Variants in KCNB2 observed in about 807,000 individuals in gnomAD.
KCNB2 encodes the protein potassium voltage-gated channel subfamily B member 2, also known as delayed rectifier potassium channel protein.
Under a neutral mutation model 61.5 loss-of-function variants are expected in KCNB2, and 15 were observed. The observed-to-expected ratio is 0.24, with a 90% CI of 0.16 to 0.38. The LOEUF (loss-of-function observed/expected upper bound fraction) is 0.38, where lower values mean the gene tolerates loss of function less well. Ranked by LOEUF, KCNB2 falls within the 10% of genes least tolerant of loss-of-function variation. KCNB2 has a pLI of 1.00. For missense variants in KCNB2, 828 were observed against 1,125.2 expected, an observed-to-expected ratio of 0.74 and a Z score of 3.78; for synonymous variants, 457 against 446.0, an observed-to-expected ratio of 1.02 and a Z score of -0.31.
At chr8:72,828,005 G>T (rs1305904845) in intron 2 of KCNB2, among the ~76,000 whole-genome samples, 1 of 151,986 alleles carries the variant, frequency 6.6e-6, no homozygotes, top group East Asian at 1.9e-4. Context: ...TAGAGACGGG[G>T]TTTCACCATG....
At chr8:72,906,595 G>T (rs1165112144) in intron 2 of KCNB2, among the ~76,000 whole-genome samples, 1 of 152,126 alleles carries the variant, frequency 6.6e-6, no homozygotes, top group African/African-American at 2.4e-5. Flanking sequence ...GTAGAAGTTG[G>T]TTTGCAAATT....
intron 2 of KCNB2, among the ~76,000 whole-genome samples, chr8:72,705,262 G>A (rs2255053): frequency 0.25 from 38,485 of 152,106 alleles, 8,182 homozygotes; most frequent in African/African-American, 0.59. Context: ...TCCCTGGAAC[G>A]TTTTTCTTGA....
chr8:72,802,559 G>A (rs943366494), intron 2 of KCNB2, among the ~76,000 whole-genome samples: 4 of 152,092 alleles, frequency 2.6e-5, no homozygotes, highest in Admixed American at 6.5e-5. Context: ...TCATTTATGT[G>A]TTTGGCAATG....
intron 1 of KCNB2, among the ~76,000 whole-genome samples, chr8:72,542,132 T>C (rs1382763349): frequency 6.6e-6 from 1 of 152,164 alleles, no homozygotes; most frequent in East Asian, 1.9e-4. Flanking sequence ...GAAAAGTTTA[T>C]ATATTTGAAG....
At chr8:72,719,478 A>G (rs764372727) in intron 2 of KCNB2, among the ~76,000 whole-genome samples, 7 of 152,052 alleles carry the variant, frequency 4.6e-5, no homozygotes, top group Non-Finnish European at 1.0e-4. Context: ...TGTTGTGTTT[A>G]TTGCTAAATA....
At chr8:72,703,694 C>G (rs775800671) in intron 2 of KCNB2, among the ~76,000 whole-genome samples, 2 of 152,078 alleles carry the variant, frequency 1.3e-5, no homozygotes, top group Non-Finnish European at 2.9e-5. Flanking sequence ...GCCTTAGTGT[C>G]TACTATAAAG....
At chr8:72,582,785 A>G (rs911125659) in intron 2 of KCNB2, among the ~76,000 whole-genome samples, 1 of 152,000 alleles carries the variant, frequency 6.6e-6, no homozygotes, top group Non-Finnish European at 1.5e-5. Flanking sequence ...ACTAATTTTT[A>G]AAAAATTATT....
At chr8:72,764,332 G>A (rs1326278948) in intron 2 of KCNB2, among the ~76,000 whole-genome samples, 1 of 152,184 alleles carries the variant, frequency 6.6e-6, no homozygotes, top group Admixed American at 6.5e-5. Flanking sequence ...AGGTAAGGAG[G>A]TGGAGACAAC....
intron 2 of KCNB2, among the ~76,000 whole-genome samples, chr8:72,638,200 CTATGACCTTTGAAATGGGTCAGGACCTA>C (rs1437078814): frequency 1.3e-5 from 2 of 152,104 alleles, no homozygotes; most frequent in African/African-American, 4.8e-5. Context: ...ATTTAAGATC[CTATGACCTTTGAAATGGGTCAGGACCTA>C]TTCTTCTGTC....
chr8:72,692,645 C>T (rs1806956824), intron 2 of KCNB2, among the ~76,000 whole-genome samples: 2 of 152,080 alleles, frequency 1.3e-5, no homozygotes, highest in South Asian at 2.1e-4. Flanking sequence ...TTCCATCTCA[C>T]GTACATAATT....
At chr8:72,792,421 A>G (rs748901549) in intron 2 of KCNB2, among the ~76,000 whole-genome samples, 3 of 152,210 alleles carry the variant, frequency 2.0e-5, no homozygotes, top group Non-Finnish European at 4.4e-5. Context: ...AAAACTAACC[A>G]TCTTTATTAT....
chr8:72,743,668 C>T (rs2128994816), intron 2 of KCNB2, among the ~76,000 whole-genome samples: 1 of 152,194 alleles, frequency 6.6e-6, no homozygotes, highest in South Asian at 2.1e-4. Context: ...TGTATTTTTT[C>T]TTCTGAGACA....
At chr8:72,821,731 C>G (rs1809515167) in intron 2 of KCNB2, among the ~76,000 whole-genome samples, 1 of 150,630 alleles carries the variant, frequency 6.6e-6, no homozygotes, top group African/African-American at 2.4e-5. Context: ...AATGTGGTAC[C>G]ATTCAATTTA....
chr8:72,556,524 A>T (rs1346158400), intron 1 of KCNB2, among the ~76,000 whole-genome samples: 1 of 152,294 alleles, frequency 6.6e-6, no homozygotes, highest in South Asian at 2.1e-4. Context: ...GGTGGTGTCT[A>T]TAGTTCAGGG....
At chr8:72,647,898 C>T (rs1806155345) in intron 2 of KCNB2, among the ~76,000 whole-genome samples, 1 of 152,166 alleles carries the variant, frequency 6.6e-6, no homozygotes, top group Non-Finnish European at 1.5e-5. Context: ...GAGAAAGGCA[C>T]TCTGAAGGTT....
At chr8:72,818,902 A>C (rs541084037) in intron 2 of KCNB2, among the ~76,000 whole-genome samples, 6 of 152,164 alleles carry the variant, frequency 3.9e-5, no homozygotes, top group Non-Finnish European at 8.8e-5. Flanking sequence ...TCCCAATCTC[A>C]CACCTAAACA....
At chr8:72,732,124 C>T (rs1807755218) in intron 2 of KCNB2, 1 of 152,218 alleles carries the variant, frequency 6.6e-6, no homozygotes, top group African/African-American at 2.4e-5. Context: ...TTGTTTATTT[C>T]CCACAGAATA....
At chr8:72,647,651 G>T (rs949870186) in intron 2 of KCNB2, among the ~76,000 whole-genome samples, 8 of 152,130 alleles carry the variant, frequency 5.3e-5, no homozygotes, top group African/African-American at 1.9e-4. Flanking sequence ...TTGCACAGAG[G>T]TGACTGGGTC....
intron 2 of KCNB2, among the ~76,000 whole-genome samples, chr8:72,714,515 TAA>T (rs1186461247): frequency 2.0e-4 from 30 of 151,798 alleles, no homozygotes; most frequent in African/African-American, 7.3e-4. Context: ...TCAACATTCT[TAA>T]AGAAAAGAAT....
Sources: gnomAD v4.1 joint callset for allele counts (sites outside exome capture counted in the v4.1 genomes callset) on GRCh38, gnomAD v4.1.1 for gene constraint, MANE v1.5 for transcripts, NCBI Gene and HGNC (gene_info 2026-07-23, HGNC 2026-07-21) for gene names.